Variants in GRM7 observed in about 807,000 individuals in gnomAD.
GRM7 encodes glutamate metabotropic receptor 7.
A neutral mutation model predicts 84.5 loss-of-function variants in GRM7; 35 were observed. The ratio of observed to expected loss-of-function variants is 0.41; its 90% CI spans 0.32 to 0.55. The LOEUF is 0.55. Ranked by LOEUF, GRM7 falls within the 20% of genes least tolerant of loss-of-function variation. The pLI, the probability that GRM7 is intolerant of heterozygous loss-of-function variation, is 0.19. For synonymous variants in GRM7, 487 were observed against 455.1 expected (o/e 1.07, Z -0.89); for missense variants, 1,003 against 1,194.6 (o/e 0.84, Z 2.36).
intron 1 of GRM7, among the ~76,000 whole-genome samples, chr3:7,122,730 C>T (rs563500044): frequency 3.1e-4 from 47 of 152,276 alleles, no homozygotes; most frequent in African/African-American, 1.1e-3. Context: ...AGGAAAAGAA[C>T]ATTTTCTGCA....
chr3:7,527,757 A>C (rs1700864292), intron 7 of GRM7, among the ~76,000 whole-genome samples: 2 of 151,998 alleles, frequency 1.3e-5, no homozygotes, highest in Admixed American at 1.3e-4. Context: ...ATGCTATCAA[A>C]TTTGTTTTCT....
Position 7,550,913 on chromosome 3 carries a change from G to A in GRM7, c.1516-27509G>A, listed in dbSNP as rs1037954914. ...CCACTCTCCTACTCAATAAAATGTG[G>A]AAGCAGTATTTCACAGTGGATATTA... On this transcript the variant is annotated intron_variant, in intron 7 of 9. Coordinates refer to ENST00000357716, the MANE Select transcript of GRM7 (RefSeq NM_000844.4). Among the ~76,000 whole-genome samples the A allele has an allele frequency of 2.0e-5, 3 of 152,096 alleles. No individual in the cohort carries two copies. The South Asian group carries it at 6.2e-4, about 32-fold the overall frequency.
chr3:7,329,859 CTTAT>C (rs1401444192), intron 4 of GRM7, among the ~76,000 whole-genome samples: 2 of 152,010 alleles, frequency 1.3e-5, no homozygotes, highest in African/African-American at 2.4e-5. Flanking sequence ...TTAAAATGTA[CTTAT>C]TTGAGTAAAC....
intron 8 of GRM7, among the ~76,000 whole-genome samples, chr3:7,583,642 T>G (rs2125057247): frequency 6.6e-6 from 1 of 152,356 alleles, no homozygotes; most frequent in East Asian, 1.9e-4. Context: ...ATTAATCGAC[T>G]TAAAGAACAG....
intron 1 of GRM7, among the ~76,000 whole-genome samples, chr3:6,940,088 T>TTATG (rs1257468278): frequency 6.6e-6 from 1 of 152,098 alleles, no homozygotes; most frequent in Non-Finnish European, 1.5e-5. Flanking sequence ...TTTAATTTTA[T>TTATG]TATGTATTTA....
At chr3:7,540,948 C>G (rs1461408350) in intron 7 of GRM7, among the ~76,000 whole-genome samples, 3 of 152,128 alleles carry the variant, frequency 2.0e-5, no homozygotes, top group East Asian at 1.9e-4. Flanking sequence ...GAAGAAAAAG[C>G]AAGTTGAAGA....
chr3:7,067,354 G>C (rs192590922), intron 1 of GRM7, among the ~76,000 whole-genome samples: 1 of 152,080 alleles, frequency 6.6e-6, no homozygotes, highest in East Asian at 1.9e-4. Context: ...ACACAAATCA[G>C]TAGCTCTTCT....
rs555046503 is a variant in GRM7, at chr3:7,099,889, A to G, written c.520-46563A>G. ...ATGTATATGTACACGCATTATACATATATACATAGATTATACATATATAAT... is the reference window on the plus strand; with the variant it reads ...ATGTATATGTACACGCATTATACATGTATACATAGATTATACATATATAAT... On this transcript the variant is annotated intron_variant, in intron 1 of 9. Transcript: ENST00000357716. Among the ~76,000 whole-genome samples the G allele has an allele frequency of 7.6e-4, 101 of 132,696 alleles. 2 individuals are homozygous for G. The highest frequency in any genetic ancestry group is 2.0e-3 in the African/African-American group (65 of 31,720). 87.1% of individuals were successfully genotyped at this position (132,696 alleles called of 152,430 possible). A position where few individuals can be genotyped will look rare whatever the true frequency, so the allele number is the denominator to read the frequency against.
intron 2 of GRM7, among the ~76,000 whole-genome samples, chr3:7,200,638 T>C (rs897410721): frequency 6.6e-6 from 1 of 152,168 alleles, no homozygotes; most frequent in African/African-American, 2.4e-5. Context: ...ACCCCCAGAA[T>C]TGGATTCTGT....
rs149498350 is a variant in GRM7, at chr3:7,579,291, C to T, written c.2385C>T (p.Tyr795=). Residue 795 remains tyrosine, a synonymous_variant, in exon 8 of 10, where the codon TAC becomes TAT. Transcript: ENST00000357716. ...NEAKPIGFTM[Y]TTCIVWLAFI... ...CCAAGCCCATTGGATTCACTATGTA[C>T]ACGACATGTATAGTATGGCTTGCCT... 4 of 1,613,648 alleles carry T rather than the reference C, an allele frequency of 2.5e-6. No homozygotes were observed. In the African/African-American group the frequency reaches 4.0e-5, roughly 16 times the overall value.
At chr3:6,890,537 C>T (rs555947765) in intron 1 of GRM7, among the ~76,000 whole-genome samples, 14 of 151,986 alleles carry the variant, frequency 9.2e-5, no homozygotes, top group South Asian at 2.1e-4. Context: ...TGTAGTTGAG[C>T]GGTTTTGAGT....
intron 2 of GRM7, among the ~76,000 whole-genome samples, chr3:7,277,693 T>C (rs1054966615): frequency 6.6e-6 from 1 of 152,126 alleles, no homozygotes; most frequent in Non-Finnish European, 1.5e-5. Context: ...GTTGTTCCTG[T>C]ACATTTTGAA....
chr3:7,181,868 C>T (rs568442775), intron 2 of GRM7, among the ~76,000 whole-genome samples: 13 of 152,204 alleles, frequency 8.5e-5, no homozygotes, highest in African/African-American at 2.6e-4. Context: ...TCCTTGGCCT[C>T]CTGAATTGCT....
At chr3:7,227,943 CTTCCA>C (rs1373655194) in intron 2 of GRM7, among the ~76,000 whole-genome samples, 1 of 152,194 alleles carries the variant, frequency 6.6e-6, no homozygotes, top group East Asian at 1.9e-4. Context: ...AATTAGGTCT[CTTCCA>C]TTGTCATATG....
intron 2 of GRM7, among the ~76,000 whole-genome samples, chr3:7,250,471 C>T (rs9311984): frequency 6.6e-6 from 1 of 151,430 alleles, no homozygotes; most frequent in Non-Finnish European, 1.5e-5. Flanking sequence ...ATGTGTGTGC[C>T]TATACACATA....
intron 2 of GRM7, among the ~76,000 whole-genome samples, chr3:7,260,085 T>C (rs988238605): frequency 2.6e-5 from 4 of 151,894 alleles, no homozygotes; most frequent in African/African-American, 9.7e-5. Flanking sequence ...TGGCCACATG[T>C]ATGTCTTCTT....
intron 1 of GRM7, among the ~76,000 whole-genome samples, chr3:6,990,942 G>A (rs1357814323): frequency 6.6e-6 from 1 of 152,164 alleles, no homozygotes; most frequent in Non-Finnish European, 1.5e-5. Flanking sequence ...GGTGGTAGGA[G>A]CCTATAGTCC....
chr3:7,677,262 T>A (rs112520575), intron 8 of GRM7, among the ~76,000 whole-genome samples: 2,704 of 36,872 alleles, frequency 0.073, 217 homozygotes, highest in Non-Finnish European at 0.098. Flanking sequence ...ACTCTGTCTT[T>A]AAAAAAAAAA....
chr3:7,730,220 A>G (rs1221565436), intron 9 of GRM7, among the ~76,000 whole-genome samples: 4 of 148,692 alleles, frequency 2.7e-5, no homozygotes, highest in Non-Finnish European at 4.5e-5. Flanking sequence ...GTTGGCCAGG[A>G]TGGTCTCAAT....
Sources: allele counts gnomAD v4.1 joint callset (sites outside exome capture counted in the v4.1 genomes callset), GRCh38; gene constraint gnomAD v4.1.1; transcripts MANE v1.5; gene names NCBI Gene and HGNC (gene_info 2026-07-23, HGNC 2026-07-21).